STXBP6: variants seen among roughly 807,000 people sequenced by gnomAD.
STXBP6 encodes the protein syntaxin binding protein 6, also known as syntaxin-binding protein 6.
A neutral mutation model predicts 26.9 loss-of-function variants in STXBP6; 21 were observed. The ratio of observed to expected loss-of-function variants is 0.78; its 90% CI spans 0.55 to 1.12. STXBP6 has a LOEUF of 1.12. Ranked by LOEUF, STXBP6 falls within the 50% of genes most tolerant of loss-of-function variation. The pLI is 0.00. For synonymous variants in STXBP6, 97 were observed against 92.6 expected (o/e 1.05, Z -0.27); for missense variants, 232 against 257.9 (o/e 0.90, Z 0.69).
At chr14:24,847,031 A>G (rs181762838) in intron 4 of STXBP6, among the ~76,000 whole-genome samples, 4 of 152,266 alleles carry the variant, frequency 2.6e-5, no homozygotes, top group Admixed American at 2.0e-4. Flanking sequence ...ATAGCCTTCA[A>G]CCTTGAAGAT....
intron 2 of STXBP6, among the ~76,000 whole-genome samples, chr14:24,963,736 G>A (rs192184112): frequency 6.6e-6 from 1 of 152,232 alleles, no homozygotes; most frequent in Admixed American, 6.5e-5. Context: ...ACACTCAGGT[G>A]CTTCACAATT....
At chr14:25,006,057 A>AT (rs1186974942) in intron 1 of STXBP6, among the ~76,000 whole-genome samples, 1 of 152,216 alleles carries the variant, frequency 6.6e-6, no homozygotes, top group Admixed American at 6.5e-5. Flanking sequence ...ATCCAAACTC[A>AT]TCACTGTCAA....
intron 5 of STXBP6, among the ~76,000 whole-genome samples, chr14:24,813,784 C>G (rs960871266): frequency 2.6e-5 from 4 of 152,212 alleles, no homozygotes; most frequent in African/African-American, 9.7e-5. Context: ...TGTCACTAAT[C>G]CATTTCTTCT....
chr14:24,984,882 A>C (rs1207422723), intron 1 of STXBP6, among the ~76,000 whole-genome samples: 2 of 152,216 alleles, frequency 1.3e-5, no homozygotes, highest in African/African-American at 4.8e-5. Context: ...CTTAAACCTA[A>C]GATGCATGAC....
chr14:24,985,587 T>G (rs886352532), intron 1 of STXBP6, among the ~76,000 whole-genome samples: 2 of 152,216 alleles, frequency 1.3e-5, no homozygotes, highest in African/African-American at 4.8e-5. Context: ...TATCTTTTGC[T>G]GACAGTGCTT....
intron 4 of STXBP6, among the ~76,000 whole-genome samples, chr14:24,826,750 T>G (rs1023233825): frequency 6.6e-6 from 1 of 152,222 alleles, no homozygotes; most frequent in Non-Finnish European, 1.5e-5. Context: ...CCTGTCACTT[T>G]GATTCTTCCT....
At chr14:25,003,916 C>T (rs1464042786) in intron 1 of STXBP6, among the ~76,000 whole-genome samples, 1 of 152,236 alleles carries the variant, frequency 6.6e-6, no homozygotes, top group African/African-American at 2.4e-5. Context: ...GCAGCTCTCC[C>T]AGTTTAAGAA....
At chr14:24,996,726 G>A (rs147321481) in intron 1 of STXBP6, among the ~76,000 whole-genome samples, 2,428 of 151,488 alleles carry the variant, frequency 0.016, 61 homozygotes, top group African/African-American at 0.053. Context: ...ATGGTGGCAC[G>A]TGCCTGTGAT....
intron 2 of STXBP6, among the ~76,000 whole-genome samples, chr14:24,891,188 C>T (rs2070774180): frequency 6.6e-6 from 1 of 152,126 alleles, no homozygotes; most frequent in Admixed American, 6.6e-5. Flanking sequence ...GGCCTGAAAA[C>T]AAATTAGGAG....
intron 2 of STXBP6, among the ~76,000 whole-genome samples, chr14:24,948,088 A>G (rs2073051094): frequency 6.6e-6 from 1 of 152,182 alleles, no homozygotes; most frequent in South Asian, 2.1e-4. Context: ...TGCTACATCC[A>G]TGAAGATGGG....
rs970251263 is a variant in STXBP6, at chr14:24,812,852, T to C, written c.610-120A>G. The C allele has an allele frequency of 3.0e-5, 28 of 947,064 alleles. No homozygotes were observed. In the African/African-American group the frequency reaches 3.3e-4, roughly 11 times the overall value. 58.7% of individuals were successfully genotyped at this position (947,064 alleles called of 1,614,324 possible). A position where few individuals can be genotyped will look rare whatever the true frequency, so the allele number is the denominator to read the frequency against. On this transcript the variant is annotated intron_variant, in intron 5 of 5. Transcript: ENST00000323944. ...GAAGCAGCACCAAGATTCTACTCTC[T>C]GTGGCAGATCACCGTTACTAATTAC...
intron 1 of STXBP6, among the ~76,000 whole-genome samples, chr14:24,997,418 T>C (rs533802647): frequency 2.0e-5 from 3 of 152,344 alleles, no homozygotes; most frequent in East Asian, 1.9e-4. Flanking sequence ...TTATTCTCTT[T>C]CATGCCCAAT....
intron 2 of STXBP6, among the ~76,000 whole-genome samples, chr14:24,867,337 G>A (rs1455811613): frequency 1.3e-5 from 2 of 152,080 alleles, no homozygotes; most frequent in Non-Finnish European, 2.9e-5. Context: ...CTCCAGGACT[G>A]TGAGAAAAAA....
At chr14:24,845,291 C>T (rs1029061528) in intron 4 of STXBP6, among the ~76,000 whole-genome samples, 2 of 152,164 alleles carry the variant, frequency 1.3e-5, no homozygotes, top group Admixed American at 6.5e-5. Context: ...GGATTACAGG[C>T]ATGAGCCACC....
Position 25,041,887 on chromosome 14 carries a change from C to T in STXBP6, c.-33+7991G>A, listed in dbSNP as rs80145123. On this transcript the variant is annotated intron_variant, in intron 1 of 5. Transcript: ENST00000323944. ...AATCTCATTCTTCAAAGTCATCAGG[C>T]GTTAAAGACCCCAACCTGACAATCC... Among the ~76,000 whole-genome samples the T allele has an allele frequency of 9.3e-3, 1,412 of 152,230 alleles. 5 individuals carry two copies. The highest frequency in any genetic ancestry group is 0.013 in the Non-Finnish European group (909 of 68,018).
At chr14:24,827,278 A>G (rs1024515353) in intron 4 of STXBP6, among the ~76,000 whole-genome samples, 1 of 152,212 alleles carries the variant, frequency 6.6e-6, no homozygotes, top group Non-Finnish European at 1.5e-5. Context: ...AATGAAATAC[A>G]TATTTAGCAT....
intron 1 of STXBP6, among the ~76,000 whole-genome samples, chr14:25,040,923 G>A (rs1381110524): frequency 2.0e-5 from 3 of 152,212 alleles, no homozygotes; most frequent in African/African-American, 4.8e-5. Flanking sequence ...AAAAGGATCT[G>A]AAGTCTCATT....
At chr14:24,963,889 T>C (rs1309587648) in intron 2 of STXBP6, among the ~76,000 whole-genome samples, 1 of 150,038 alleles carries the variant, frequency 6.7e-6, no homozygotes, top group Non-Finnish European at 1.5e-5. Flanking sequence ...TAAAATCTCC[T>C]GCTCCGTAAC....
rs1428309166 is a variant in STXBP6 at position 25,013,586 on chromosome 14, T to A, written c.-33+36292A>T. ...GACAAAAAATTGAAACAGAATTCAA[T>A]CTAGCCTCTAAATGTAACTACCAGT... On this transcript the variant is annotated intron_variant, in intron 1 of 5. Transcript: ENST00000323944. Among the ~76,000 whole-genome samples, 4 of 151,950 alleles carry A rather than the reference T, an allele frequency of 2.6e-5. No individual in the cohort carries two copies. The East Asian group carries it at 7.7e-4, about 29-fold the overall frequency.
Sources: gnomAD v4.1 joint callset for allele counts (sites outside exome capture counted in the v4.1 genomes callset) on GRCh38, gnomAD v4.1.1 for gene constraint, MANE v1.5 for transcripts, NCBI Gene and HGNC (gene_info 2026-07-23, HGNC 2026-07-21) for gene names.